The following RP1L1 variants were observed in gnomAD, a reference collection of about 807,000 sequenced individuals.
The protein encoded by RP1L1 is RP1 like 1.
Under a neutral mutation model 15.7 loss-of-function variants are expected in RP1L1, and 27 were observed. The ratio of observed to expected loss-of-function variants is 1.72; its 90% CI spans 1.27 to 2.38. The LOEUF is 2.38. Ranked by LOEUF, RP1L1 falls within the 30% of genes most tolerant of loss-of-function variation. The pLI is 0.00. For missense variants in RP1L1, 4,798 were observed against 3,075.9 expected (o/e 1.56, Z -13.24); for synonymous variants, 1,813 against 1,276.7 (o/e 1.42, Z -8.96).
intron 1 of RP1L1, among the ~76,000 whole-genome samples, chr8:10,631,396 C>CAT (rs879895751): frequency 0.064 from 7,815 of 121,504 alleles, 305 homozygotes; most frequent in Non-Finnish European, 0.079. Context: ...TGCACACACA[C>CAT]GCACACACAC....
chr8:10,630,313 G>A (rs1798222003), intron 1 of RP1L1, among the ~76,000 whole-genome samples: 1 of 152,216 alleles, frequency 6.6e-6, no homozygotes, highest in Admixed American at 6.5e-5. Context: ...TTGGCCTCAT[G>A]TGAGGTTGAC....
At chr8:10,650,221 T>G (rs1024439987) in intron 1 of RP1L1, among the ~76,000 whole-genome samples, 5 of 152,188 alleles carry the variant, frequency 3.3e-5, no homozygotes, top group African/African-American at 1.2e-4. Flanking sequence ...ATGAAGCCAG[T>G]GAGTTAATCA....
chr8:10,631,637 CCT>C (rs1393599700), intron 1 of RP1L1, among the ~76,000 whole-genome samples: 2 of 152,308 alleles, frequency 1.3e-5, no homozygotes, highest in East Asian at 3.9e-4. Flanking sequence ...ACGGTTTGTC[CCT>C]GTCCCCCCTC....
At position 10,608,861 on chromosome 8, in the gene RP1L1, C is replaced by G. The variant is rs1233996313; in HGVS notation, c.5237G>C (p.Gly1746Ala). The G allele has an allele frequency of 3.7e-6, 6 of 1,614,020 alleles. No individual in the cohort carries two copies. The Admixed American group carries it at 1.0e-4, about 27-fold the overall frequency. ...TCTGTTGAGTCTCTGGCTCCCCTCG[C>G]CATCCTCACCCTCGTCCACTCCAGG... ...QGPGVDEGED[G>A]EGSQRLNRDK... Residue 1746 changes from glycine to alanine, a missense_variant, in exon 4 of 4, where the codon GGC (glycine) becomes GCC (alanine). Gly to Ala is a moderately conservative substitution (Grantham distance 60). Transcript: ENST00000382483.
At position 10,613,304 on chromosome 8, in the gene RP1L1, C is replaced by A; in HGVS notation, c.794G>T (p.Arg265Leu). ...PKTKPSVIHS[R>L]SPPGSTPRLP... ...CCGTGGCGTGCTGCCTGGCGGAGACCGCGAATGGATCACACTCGGCTTGGT... is the reference window on the plus strand; with the variant it reads ...CCGTGGCGTGCTGCCTGGCGGAGACAGCGAATGGATCACACTCGGCTTGGT... The change falls in exon 4 of 4, where the codon CGG (arginine) becomes CTG (leucine). Residue 265 changes from arginine (R) to leucine (L), a missense_variant. By Grantham distance (102) the Arg-to-Leu change is moderately radical. Coordinates refer to ENST00000382483, the MANE Select transcript of RP1L1 (RefSeq NM_178857.6). 2 of 1,602,650 alleles carry A rather than the reference C, an allele frequency of 1.2e-6. No individual in the cohort carries two copies. Among genetic ancestry groups the A allele is most frequent in the East Asian group, 2.2e-5 (1 of 44,868 alleles).
chr8:10,649,776 G>A (rs905912083), intron 1 of RP1L1, among the ~76,000 whole-genome samples: 4 of 152,124 alleles, frequency 2.6e-5, no homozygotes, highest in Non-Finnish European at 5.9e-5. Context: ...TGTGCTTCCG[G>A]CTCCAGGACA....
At chr8:10,619,483 A>G (rs113599818) in intron 2 of RP1L1, among the ~76,000 whole-genome samples, 74 of 152,238 alleles carry the variant, frequency 4.9e-4, no homozygotes, top group African/African-American at 1.5e-3. Context: ...CAACCCCCCA[A>G]AACTCACCTT....
chr8:10,610,680 T>G lies in RP1L1; in HGVS notation c.3418A>C (p.Arg1140=). The G allele has an allele frequency of 1.2e-6, 2 of 1,612,336 alleles. No individual in the cohort carries two copies. Among genetic ancestry groups the G allele is most frequent in the Non-Finnish European group, 8.5e-7 (1 of 1,179,284 alleles). Residue 1140 remains arginine (R), a synonymous_variant, in exon 4 of 4, where the codon AGG becomes CGG. Coordinates refer to ENST00000382483, the MANE Select transcript of RP1L1 (RefSeq NM_178857.6). ...TGGTACCGAGGGGAGTCTTTGAACCTCACTTTGCTGGCAGGAGACCCAAGG... is the reference window on the plus strand; with the variant it reads ...TGGTACCGAGGGGAGTCTTTGAACCGCACTTTGCTGGCAGGAGACCCAAGG... ...EDLGSPASKV[R]FKDSPRYQEL...
chr8:10,612,969 A>G lies in RP1L1; in HGVS notation c.1129T>C (p.Ser377Pro). 1 of 1,613,130 alleles carries G rather than the reference A, an allele frequency of 6.2e-7. No homozygotes were observed. The highest frequency in any genetic ancestry group is 8.5e-7 in the Non-Finnish European group (1 of 1,179,918). ...CGGGGTCCCCACACCCCAGGCTCTG[A>G]GAAGCCCCAAGGGTAGCCCTCCCAC... ...CVWEGYPWGF[S>P]EPGVWGPRPC... Residue 377 changes from serine (S) to proline (P), a missense_variant, in exon 4 of 4, where the codon TCA becomes CCA. Ser to Pro is a moderately conservative substitution (Grantham distance 74). Coordinates refer to ENST00000382483, the MANE Select transcript of RP1L1 (RefSeq NM_178857.6).
chr8:10,638,941 T>A (rs978089129), intron 1 of RP1L1, among the ~76,000 whole-genome samples: 8 of 152,028 alleles, frequency 5.3e-5, no homozygotes, highest in Non-Finnish European at 1.0e-4. Flanking sequence ...GGCCATGAGT[T>A]CGAGACCAGC....
intron 1 of RP1L1, among the ~76,000 whole-genome samples, chr8:10,647,585 G>A (rs1157076307): frequency 6.6e-6 from 1 of 152,164 alleles, no homozygotes; most frequent in African/African-American, 2.4e-5. Context: ...GCAGAATCGT[G>A]CAGTATTTGT....
chr8:10,625,575 C>T (rs994674475), intron 1 of RP1L1, among the ~76,000 whole-genome samples: 1 of 152,158 alleles, frequency 6.6e-6, no homozygotes, highest in Non-Finnish European at 1.5e-5. Context: ...CGGAGGGCTT[C>T]TGCCCAGCCA....
At chr8:10,635,559 C>A (rs1049864864) in intron 1 of RP1L1, among the ~76,000 whole-genome samples, 5 of 152,206 alleles carry the variant, frequency 3.3e-5, no homozygotes, top group Non-Finnish European at 7.3e-5. Flanking sequence ...GACCAGGTAA[C>A]TTCTGTACTA....
chr8:10,631,389 A>G (rs1483787496), intron 1 of RP1L1, among the ~76,000 whole-genome samples: 1 of 122,168 alleles, frequency 8.2e-6, no homozygotes, highest in Non-Finnish European at 1.9e-5. Flanking sequence ...ACACACATGC[A>G]CACACACGCA....
In RP1L1 at chr8:10,611,525, CTGGGCGGGG is replaced by C; in HGVS notation, c.2564_2572del (p.Thr855_Pro857del). On this transcript the variant is annotated inframe_deletion, in exon 4 of 4. Coordinates refer to ENST00000382483, the MANE Select transcript of RP1L1 (RefSeq NM_178857.6). ...GCGCCTCTGGGGGCAGGGCCGCCCCCTGGGCGGGGTGGGACAGTACCTGCCACACAGCCA... is the reference window on the plus strand; with the variant it reads ...GCGCCTCTGGGGGCAGGGCCGCCCCCTGGGACAGTACCTGCCACACAGCCA... The C allele has an allele frequency of 1.3e-6, 2 of 1,584,004 alleles. No homozygotes were observed. Among genetic ancestry groups the C allele is most frequent in the East Asian group, 4.5e-5 (2 of 43,966 alleles).
chr8:10,633,199 G>A (rs1475303072), intron 1 of RP1L1, among the ~76,000 whole-genome samples: 3 of 152,202 alleles, frequency 2.0e-5, no homozygotes, highest in Non-Finnish European at 2.9e-5. Context: ...CCCCAGGGCC[G>A]TGAGCCAGGA....
rs751417050 is a variant in RP1L1, at chr8:10,612,457, T to G, written c.1641A>C (p.Glu547Asp). 1 of 1,612,676 alleles carries G rather than the reference T, an allele frequency of 6.2e-7. No homozygotes were observed. ...ASTGSHEGSS[E>D]WGGRPQGCPG... Reference sequence around the variant, plus strand: ...GACAGCCCTGGGGCCGCCCACCCCATTCGCTGGATCCCTCATGAGAGCCGG... The same window carrying G: ...GACAGCCCTGGGGCCGCCCACCCCAGTCGCTGGATCCCTCATGAGAGCCGG... Residue 547 changes from glutamate to aspartate, a missense_variant, in exon 4 of 4, where the codon GAA becomes GAC. Transcript: ENST00000382483.
At chr8:10,629,331 T>G (rs947992613) in intron 1 of RP1L1, among the ~76,000 whole-genome samples, 1 of 151,642 alleles carries the variant, frequency 6.6e-6, no homozygotes, top group African/African-American at 2.4e-5. Context: ...AGTGAGAAGG[T>G]GACTAAGGGG....
chr8:10,630,692 T>C (rs1563134893), intron 1 of RP1L1, among the ~76,000 whole-genome samples: 1 of 152,190 alleles, frequency 6.6e-6, no homozygotes, highest in Non-Finnish European at 1.5e-5. Context: ...GGACTCAGGT[T>C]CCCATCAGTA....
Sources: allele counts gnomAD v4.1 joint callset (sites outside exome capture counted in the v4.1 genomes callset), GRCh38; gene constraint gnomAD v4.1.1; transcripts MANE v1.5; gene names NCBI Gene and HGNC (gene_info 2026-07-23, HGNC 2026-07-21).